Variants in MYO18B observed in about 807,000 individuals in gnomAD.
The protein encoded by MYO18B is unconventional myosin-XVIIIb.
A neutral mutation model predicts 273.0 loss-of-function variants in MYO18B; 204 were observed. The observed-to-expected ratio is 0.75, with a 90% CI of 0.67 to 0.84. The LOEUF is 0.84. Ranked by LOEUF, MYO18B falls within the 40% of genes least tolerant of loss-of-function variation. MYO18B has a pLI of 0.00. For synonymous variants in MYO18B, 1,330 were observed against 1,305.7 expected (o/e 1.02, Z -0.40); for missense variants, 3,212 against 3,287.6 (o/e 0.98, Z 0.56).
intron 39 of MYO18B, among the ~76,000 whole-genome samples, chr22:25,986,335 A>G (rs192202629): frequency 1.3e-5 from 2 of 151,856 alleles, no homozygotes; most frequent in East Asian, 3.9e-4. Flanking sequence ...TAACTTGCCT[A>G]TGATAAAGAT....
At chr22:25,933,858 TGGTATCTCTG>T (rs1021165524) in intron 34 of MYO18B, among the ~76,000 whole-genome samples, 1 of 152,224 alleles carries the variant, frequency 6.6e-6, no homozygotes, top group African/African-American at 2.4e-5. Context: ...ACTAGAAGTG[TGGTATCTCTG>T]GGTCATAGTA....
chr22:26,061,710 A>G, the MYO18B span, among the ~76,000 whole-genome samples: 1 of 150,714 alleles, frequency 6.6e-6, no homozygotes, highest in African/African-American at 2.4e-5. Flanking sequence ...CATTCTTCTG[A>G]TGCTCTTTGC....
At chr22:25,995,610 A>G (rs1051060721) in intron 40 of MYO18B, among the ~76,000 whole-genome samples, 2 of 152,218 alleles carry the variant, frequency 1.3e-5, no homozygotes, top group African/African-American at 4.8e-5. Flanking sequence ...TCTCACTGGG[A>G]GAATGAGATC....
chr22:25,753,412 TG>T (rs1399233922), intron 1 of MYO18B, among the ~76,000 whole-genome samples: 2 of 152,142 alleles, frequency 1.3e-5, no homozygotes, highest in Non-Finnish European at 2.9e-5. Context: ...GTCAGCTCTT[TG>T]TAAAACGGAC....
At chr22:25,875,356 A>G (rs2091161301) in intron 23 of MYO18B, among the ~76,000 whole-genome samples, 1 of 152,266 alleles carries the variant, frequency 6.6e-6, no homozygotes, top group Non-Finnish European at 1.5e-5. Flanking sequence ...TCCTAGGACT[A>G]TACTGAAGAC....
At chr22:25,870,136 C>A (rs181737624) in intron 22 of MYO18B, among the ~76,000 whole-genome samples, 1 of 152,362 alleles carries the variant, frequency 6.6e-6, no homozygotes, top group East Asian at 1.9e-4. Flanking sequence ...CCACGCAAAC[C>A]TGCATTGGTC....
chr22:25,742,532 A>T (rs566799866), intron 1 of MYO18B, among the ~76,000 whole-genome samples: 34 of 152,184 alleles, frequency 2.2e-4, no homozygotes, highest in African/African-American at 6.7e-4. Flanking sequence ...GGGCAAATGG[A>T]CATTCGTAAG....
chr22:25,871,873 T>C (rs1353144036), intron 22 of MYO18B, among the ~76,000 whole-genome samples: 4 of 152,200 alleles, frequency 2.6e-5, no homozygotes, highest in African/African-American at 9.7e-5. Flanking sequence ...GTATGGTTGT[T>C]TCCAATTATC....
At chr22:26,035,465 C>A (rs1198633214), downstream of MYO18B, among the ~76,000 whole-genome samples, 1 of 152,182 alleles carries the variant, frequency 6.6e-6, no homozygotes, top group Non-Finnish European at 1.5e-5. Context: ...AGTGGTGATG[C>A]AGAAGAGAAG....
chr22:25,891,158 G>T (rs1601487785), intron 26 of MYO18B, 146 bp from the exon 27 acceptor site: 1 of 716,400 alleles, frequency 1.4e-6, no homozygotes, highest in East Asian at 2.7e-5. Context: ...TATGCCGAAG[G>T]TGGCTAGCCC....
intron 34 of MYO18B, among the ~76,000 whole-genome samples, chr22:25,944,018 A>G (rs1218050856): frequency 6.6e-6 from 1 of 152,028 alleles, no homozygotes; most frequent in Non-Finnish European, 1.5e-5. Flanking sequence ...CACCGCAACC[A>G]GCCCTTCCTT....
chr22:26,037,574 G>A, the MYO18B span, among the ~76,000 whole-genome samples: 1 of 152,294 alleles, frequency 6.6e-6, no homozygotes, highest in South Asian at 2.1e-4. Context: ...ACTAGCACAG[G>A]CAGGCGGTGC....
chr22:25,974,386 A>G (rs2093067055), intron 39 of MYO18B, among the ~76,000 whole-genome samples: 1 of 152,250 alleles, frequency 6.6e-6, no homozygotes, highest in Non-Finnish European at 1.5e-5. Flanking sequence ...GGTTCAATAT[A>G]GCTGATTGTA....
intron 40 of MYO18B, among the ~76,000 whole-genome samples, chr22:25,997,052 G>A (rs111741552): frequency 0.018 from 2,814 of 152,172 alleles, 103 homozygotes; most frequent in African/African-American, 0.064. Flanking sequence ...GCTGGGCGCG[G>A]TGGCTCATGT....
rs2085813447 is a variant in MYO18B at position 25,747,420 on chromosome 22, G to A, written c.-110+5127G>A. ...GCAGCCCCCAACTACAGATCAGTTG[G>A]TGCTGGCAGGTGAAAGAAACATTAT... On this transcript the variant is annotated intron_variant, in intron 1 of 43. Transcript: ENST00000335473. Among the ~76,000 whole-genome samples the A allele has an allele frequency of 3.9e-5, 6 of 152,186 alleles. No homozygotes were observed. In the South Asian group the frequency reaches 1.2e-3, roughly 31 times the overall value.
chr22:26,033,964 C>T (rs577928988), downstream of MYO18B, among the ~76,000 whole-genome samples: 19 of 135,552 alleles, frequency 1.4e-4, no homozygotes, highest in East Asian at 3.6e-3. Flanking sequence ...TTCTCTTTTT[C>T]TTTTTTTGGA....
intron 12 of MYO18B, among the ~76,000 whole-genome samples, chr22:25,801,126 T>C (rs1197099259): frequency 6.6e-6 from 1 of 152,234 alleles, no homozygotes; most frequent in Non-Finnish European, 1.5e-5. Flanking sequence ...TTAAGAATCA[T>C]TTTCATTAAT....
At chr22:25,750,167 G>A (rs2085892111) in intron 1 of MYO18B, among the ~76,000 whole-genome samples, 1 of 152,200 alleles carries the variant, frequency 6.6e-6, no homozygotes, top group Admixed American at 6.5e-5. Flanking sequence ...AACTGTCAGA[G>A]GAGGGAGCTG....
intron 18 of MYO18B, among the ~76,000 whole-genome samples, chr22:25,845,431 C>A (rs1027553703): frequency 6.6e-6 from 1 of 152,134 alleles, no homozygotes; most frequent in South Asian, 2.1e-4. Context: ...GCAGGAGAAT[C>A]GCTTGAACCC....
Sources: gnomAD v4.1 joint callset for allele counts (sites outside exome capture counted in the v4.1 genomes callset) on GRCh38, gnomAD v4.1.1 for gene constraint, MANE v1.5 for transcripts, NCBI Gene and HGNC (gene_info 2026-07-23, HGNC 2026-07-21) for gene names.